Variants in KLF15 observed in about 807,000 individuals in gnomAD.
The protein encoded by KLF15 is KLF transcription factor 15.
In KLF15, 4 loss-of-function variants were observed where a neutral mutation model predicts 24.6. That is an observed-to-expected ratio of 0.16 (90% CI 0.08 to 0.37). The LOEUF (loss-of-function observed/expected upper bound fraction) is 0.37, where lower values mean the gene tolerates loss of function less well. KLF15 is among the 10% of genes least tolerant of loss of function. KLF15 has a pLI of 1.00. For synonymous variants in KLF15, 246 were observed against 236.3 expected (o/e 1.04, Z -0.37); for missense variants, 496 against 560.6 (o/e 0.88, Z 1.16).
chr3:126,301,496 T>C, the KLF15 span, among the ~76,000 whole-genome samples: 1 of 152,070 alleles, frequency 6.6e-6, no homozygotes, highest in Non-Finnish European at 1.5e-5. Context: ...ACTATAGGAA[T>C]AATAAAACAG....
the KLF15 span, among the ~76,000 whole-genome samples, chr3:126,292,804 A>G: frequency 6.6e-6 from 1 of 152,142 alleles, no homozygotes; most frequent in Non-Finnish European, 1.5e-5. Context: ...GAAGGTCTGC[A>G]GGTGGCAGGA....
chr3:126,350,646 G>A (rs531716495), intron 2 of KLF15, among the ~76,000 whole-genome samples: 94 of 152,338 alleles, frequency 6.2e-4, no homozygotes, highest in Non-Finnish European at 1.0e-3. Flanking sequence ...CCCGGGTGTT[G>A]CACCCACACA....
the KLF15 span, among the ~76,000 whole-genome samples, chr3:126,335,454 C>A: frequency 1.4e-5 from 2 of 146,156 alleles, no homozygotes; most frequent in South Asian, 4.5e-4. Flanking sequence ...ATGACAAACC[C>A]ACAGCCAATA....
the KLF15 span, among the ~76,000 whole-genome samples, chr3:126,323,267 A>G: frequency 6.7e-6 from 1 of 149,102 alleles, no homozygotes; most frequent in African/African-American, 2.5e-5. Context: ...CTCTCCATAC[A>G]TGTTACATAC....
chr3:126,329,757 C>T, the KLF15 span, among the ~76,000 whole-genome samples: 3 of 70,742 alleles, frequency 4.2e-5, no homozygotes, highest in East Asian at 6.6e-4. Context: ...TCTCCCCATA[C>T]AGAAAAAAAA....
chr3:126,297,303 G>A, the KLF15 span, among the ~76,000 whole-genome samples: 4 of 151,976 alleles, frequency 2.6e-5, no homozygotes, highest in Admixed American at 2.6e-4. Flanking sequence ...ATCATGTAAT[G>A]TATCTAACTT....
At chr3:126,310,523 A>G in the KLF15 span, among the ~76,000 whole-genome samples, 1 of 152,178 alleles carries the variant, frequency 6.6e-6, no homozygotes, top group South Asian at 2.1e-4. Context: ...CTACCATAGC[A>G]AAATCAGAGA....
At chr3:126,338,046 G>A (rs567728831), downstream of KLF15, among the ~76,000 whole-genome samples, 4 of 152,330 alleles carry the variant, frequency 2.6e-5, no homozygotes, top group African/African-American at 9.6e-5. Context: ...TTGCCAGCGT[G>A]AGAGATTGGC....
At chr3:126,341,788 C>A (rs2082481274), downstream of KLF15, among the ~76,000 whole-genome samples, 1 of 152,168 alleles carries the variant, frequency 6.6e-6, no homozygotes, top group Non-Finnish European at 1.5e-5. Flanking sequence ...AACACTTGAC[C>A]CGACTTGCAT....
At chr3:126,293,144 T>TAAAAAA in the KLF15 span, among the ~76,000 whole-genome samples, 80 of 118,536 alleles carry the variant, frequency 6.7e-4, 1 homozygote, top group South Asian at 0.012. Flanking sequence ...ACTGCATCTC[T>TAAAAAA]AAAAAAAAAA....
chr3:126,344,266 C>A (rs2082512971), intron 2 of KLF15, among the ~76,000 whole-genome samples: 1 of 151,996 alleles, frequency 6.6e-6, no homozygotes, highest in Non-Finnish European at 1.5e-5. Flanking sequence ...CCCTATGTTG[C>A]CCAGGCTGGT....
chr3:126,323,853 G>C, the KLF15 span, among the ~76,000 whole-genome samples: 1 of 151,832 alleles, frequency 6.6e-6, no homozygotes, highest in African/African-American at 2.4e-5. Context: ...AGTTTGCTGA[G>C]GATGATGGCT....
chr3:126,298,145 G>T, the KLF15 span, among the ~76,000 whole-genome samples: 1 of 151,876 alleles, frequency 6.6e-6, no homozygotes, highest in East Asian at 1.9e-4. Context: ...GGTCATTTTT[G>T]CAGGAGTAAG....
At position 126,356,439 on chromosome 3, in the gene KLF15, G is replaced by A. The variant is rs1414841948; in HGVS notation, c.-26+798C>T. ...CAAGGCGGGGAGGGAAGAGTGAACCGGACCACCATATGGGATGGGGACGGC... is the reference window on the plus strand; with the variant it reads ...CAAGGCGGGGAGGGAAGAGTGAACCAGACCACCATATGGGATGGGGACGGC... On this transcript the variant is annotated intron_variant, in intron 1 of 2. Coordinates refer to ENST00000296233, the MANE Select transcript of KLF15 (RefSeq NM_014079.4). This position sits in a 1 kb window ranked among gnomAD's most constrained non-coding sequence, Gnocchi z 4.4. 6.6e-6 allele frequency among the ~76,000 whole-genome samples: 1 copy of A among 152,182 alleles called. No individual in the cohort carries two copies. The highest frequency in any genetic ancestry group is 2.4e-5 in the African/African-American group (1 of 41,448).
At chr3:126,329,838 CT>C in the KLF15 span, among the ~76,000 whole-genome samples, 2,076 of 141,694 alleles carry the variant, frequency 0.015, 27 homozygotes, top group African/African-American at 0.037. Context: ...TATTATTACA[CT>C]TTTTTTTTTT....
chr3:126,293,684 A>G, the KLF15 span, among the ~76,000 whole-genome samples: 1 of 152,168 alleles, frequency 6.6e-6, no homozygotes, highest in South Asian at 2.1e-4. Context: ...CACCTGCAGT[A>G]TTTGTTCCTA....
At chr3:126,326,429 T>C in the KLF15 span, among the ~76,000 whole-genome samples, 1 of 152,236 alleles carries the variant, frequency 6.6e-6, no homozygotes, top group Non-Finnish European at 1.5e-5. Context: ...TATGGCATAA[T>C]TTATAACAGC....
the KLF15 span, among the ~76,000 whole-genome samples, chr3:126,323,465 T>TATATATGTTATATATATATAAC: frequency 1.3e-5 from 1 of 76,848 alleles, no homozygotes; most frequent in Admixed American, 1.8e-4. Flanking sequence ...ATATATAACA[T>TATATATGTTATATATATATAAC]ATATATGTTA....
At chr3:126,292,780 A>G in the KLF15 span, among the ~76,000 whole-genome samples, 1 of 152,242 alleles carries the variant, frequency 6.6e-6, no homozygotes, top group South Asian at 2.1e-4. Flanking sequence ...AGAAGGAGAC[A>G]AAGAGGACCT....
Sources: allele counts gnomAD v4.1 joint callset (sites outside exome capture counted in the v4.1 genomes callset), GRCh38; gene constraint gnomAD v4.1.1; non-coding constraint Gnocchi (gnomAD v3.1); transcripts MANE v1.5; gene names NCBI Gene and HGNC (gene_info 2026-07-23, HGNC 2026-07-21).